The following UNC79 variants were observed in gnomAD, a reference collection of about 807,000 sequenced individuals.
The protein encoded by UNC79 is unc-79 subunit of NALCN channel complex, also known as protein unc-79 homolog.
In UNC79, 37 loss-of-function variants were observed where a neutral mutation model predicts 283.1. The observed-to-expected ratio is 0.13, with a 90% CI of 0.10 to 0.17. UNC79 has a LOEUF of 0.17. UNC79 is among the 10% of genes least tolerant of loss of function. UNC79 has a pLI of 1.00. For missense variants in UNC79, 2,272 were observed against 3,211.1 expected (o/e 0.71, Z 7.07); for synonymous variants, 1,107 against 1,200.2 (o/e 0.92, Z 1.61).
chr14:93,339,425 G>A (rs1159612299), intron 1 of UNC79, among the ~76,000 whole-genome samples: 1 of 151,958 alleles, frequency 6.6e-6, no homozygotes, highest in Non-Finnish European at 1.5e-5. Flanking sequence ...TCAGCCTCCC[G>A]AGTAGCTGGG....
intron 14 of UNC79, among the ~76,000 whole-genome samples, chr14:93,548,230 G>A (rs1488976697): frequency 2.6e-5 from 4 of 152,184 alleles, no homozygotes; most frequent in Non-Finnish European, 5.9e-5. Context: ...TTCATAGATA[G>A]TGCTTTCTGG....
chr14:93,669,881 T>A (rs2072648679), intron 40 of UNC79, among the ~76,000 whole-genome samples: 2 of 152,122 alleles, frequency 1.3e-5, no homozygotes, highest in African/African-American at 4.8e-5. Context: ...TCTGCAAATA[T>A]CTTCCTAACA....
At chr14:93,378,067 G>C (rs896440935) in intron 1 of UNC79, among the ~76,000 whole-genome samples, 17 of 152,212 alleles carry the variant, frequency 1.1e-4, no homozygotes, top group African/African-American at 4.1e-4. Flanking sequence ...ATGAGTTAGG[G>C]ATAGAAAATA....
chr14:93,509,164 T>G (rs2059693599), intron 7 of UNC79, among the ~76,000 whole-genome samples: 1 of 152,074 alleles, frequency 6.6e-6, no homozygotes, highest in African/African-American at 2.4e-5. Flanking sequence ...GAGCACTCAC[T>G]CACTATCATG....
At chr14:93,462,261 G>A (rs924237357) in intron 1 of UNC79, among the ~76,000 whole-genome samples, 13 of 152,156 alleles carry the variant, frequency 8.5e-5, no homozygotes, top group African/African-American at 2.4e-4. Flanking sequence ...AGCGGAGATC[G>A]GGCCACTGCA....
intron 26 of UNC79, among the ~76,000 whole-genome samples, chr14:93,612,252 T>G (rs1280543956): frequency 6.6e-6 from 1 of 152,212 alleles, no homozygotes; most frequent in Non-Finnish European, 1.5e-5. Context: ...ATTTAAAGAG[T>G]GCCTATTGCT....
intron 7 of UNC79, among the ~76,000 whole-genome samples, chr14:93,519,719 T>TA (rs1184317696): frequency 6.6e-6 from 1 of 151,772 alleles, no homozygotes; most frequent in Non-Finnish European, 1.5e-5. Flanking sequence ...ACACCATCTT[T>TA]AAAAAATTGC....
chr14:93,598,374 G>A (rs2065233937), intron 24 of UNC79, among the ~76,000 whole-genome samples: 1 of 145,442 alleles, frequency 6.9e-6, no homozygotes, highest in African/African-American at 2.5e-5. Flanking sequence ...ACGTGTGTGT[G>A]TGTGTGTGTG....
At chr14:93,501,206 T>C (rs1444584523) in intron 7 of UNC79, among the ~76,000 whole-genome samples, 1 of 152,130 alleles carries the variant, frequency 6.6e-6, no homozygotes, top group Non-Finnish European at 1.5e-5. Flanking sequence ...ACGCCTGTGA[T>C]CCCAGCTACT....
At chr14:93,557,549 C>T (rs1047914195) in intron 14 of UNC79, among the ~76,000 whole-genome samples, 12 of 151,984 alleles carry the variant, frequency 7.9e-5, no homozygotes, top group African/African-American at 2.2e-4. Flanking sequence ...GATGTAGAAT[C>T]GCCTCCTAGA....
chr14:93,603,486 T>C lies in UNC79; in HGVS notation c.3754+68T>C. The C allele has an allele frequency of 4.5e-6, 7 of 1,543,862 alleles. No homozygotes were observed. The South Asian group carries it at 8.5e-5, about 19-fold the overall frequency. ...TCTTTCTGAGGCTGACTTGTCTTGT[T>C]GAATGTTCACAGAGAGTATAGCATG... On this transcript the variant is annotated intron_variant, in intron 26 of 48. Coordinates refer to ENST00000555664, the Ensembl canonical transcript of UNC79.
Position 93,530,638 on chromosome 14 carries a change from G to A in UNC79, c.1093+1312G>A, listed in dbSNP as rs141161302. On this transcript the variant is annotated intron_variant, in intron 10 of 48. Coordinates refer to ENST00000555664, the Ensembl canonical transcript of UNC79. Reference sequence around the variant, plus strand: ...AAAAAAACAAAAACAGGCCGGGCGCGGTGGCTCACGCCTGTAATCCCAGCA... The same window carrying A: ...AAAAAAACAAAAACAGGCCGGGCGCAGTGGCTCACGCCTGTAATCCCAGCA... Among the ~76,000 whole-genome samples, 347 of 151,828 alleles carry A rather than the reference G, an allele frequency of 2.3e-3. 2 individuals carry two copies. In the East Asian group the frequency reaches 0.041, roughly 18 times the overall value.
chr14:93,646,681 T>C (rs369198249), intron 35 of UNC79, 35 bp downstream of exon 38: 10 of 1,610,370 alleles, frequency 6.2e-6, no homozygotes, highest in Non-Finnish European at 8.5e-6. Context: ...TCTCACTTTC[T>C]TTTCTCCTCT....
At chr14:93,496,309 G>C (rs746282759) in intron 5 of UNC79, 102 bp from the exon 6 acceptor site, 14 of 691,282 alleles carry the variant, frequency 2.0e-5, no homozygotes, top group Non-Finnish European at 2.5e-5. Context: ...AATGATTAGA[G>C]ACTGAAAAGT....
chr14:93,571,740 T>C (rs569746253), intron 14 of UNC79, among the ~76,000 whole-genome samples, 154 bp from the exon 15 acceptor site: 1 of 152,382 alleles, frequency 6.6e-6, no homozygotes, highest in South Asian at 2.1e-4. Flanking sequence ...TTTGCCGTCT[T>C]ACGAATCAAT....
At chr14:93,426,449 T>C (rs1055062702), upstream of UNC79, among the ~76,000 whole-genome samples, 7 of 150,462 alleles carry the variant, frequency 4.7e-5, no homozygotes, top group Admixed American at 4.0e-4. Flanking sequence ...AATAATATAT[T>C]AATATATTAT....
At chr14:93,487,143 A>G (rs758025530) in intron 4 of UNC79, among the ~76,000 whole-genome samples, 1 of 152,218 alleles carries the variant, frequency 6.6e-6, no homozygotes, top group Non-Finnish European at 1.5e-5. Flanking sequence ...TTAAATTAAT[A>G]TATCATTATT....
At chr14:93,544,004 C>A (rs558334613) in intron 14 of UNC79, among the ~76,000 whole-genome samples, 1 of 152,200 alleles carries the variant, frequency 6.6e-6, no homozygotes, top group African/African-American at 2.4e-5. Flanking sequence ...GAATTTTTGC[C>A]TAAAGGAAAT....
At chr14:93,665,688 C>G (rs1485715268) in intron 40 of UNC79, among the ~76,000 whole-genome samples, 2 of 151,474 alleles carry the variant, frequency 1.3e-5, no homozygotes, top group African/African-American at 4.8e-5. Context: ...CACTTCTCAA[C>G]AGCACAATAG....
Sources: gnomAD v4.1 joint callset for allele counts (sites outside exome capture counted in the v4.1 genomes callset) on GRCh38, gnomAD v4.1.1 for gene constraint, MANE v1.5 for transcripts, NCBI Gene and HGNC (gene_info 2026-07-23, HGNC 2026-07-21) for gene names.